FKBP15: variants seen among roughly 807,000 people sequenced by gnomAD.
FKBP15 encodes the protein FKBP prolyl isomerase family member 15.
In FKBP15, 106 loss-of-function variants were observed where a neutral mutation model predicts 158.1. The observed-to-expected ratio is 0.67, with a 90% CI of 0.57 to 0.79. The LOEUF (loss-of-function observed/expected upper bound fraction) is 0.79. Among genes scored for constraint, FKBP15 ranks in the 30% least tolerant of loss-of-function variants. FKBP15 has a pLI of 0.00. For missense variants in FKBP15, 1,287 were observed against 1,479.1 expected (o/e 0.87, Z 2.13); for synonymous variants, 547 against 548.6 (o/e 1.00, Z 0.04).
rs1412940454 is a variant in FKBP15 at position 113,168,495 on chromosome 9, T to A, written c.3547A>T (p.Lys1183Ter). ...TCATCCTCCTCCTCAGGCTGTGCTTTGGGCCTCAGAGCTTTCAGAGTTGCC... is the reference window on the plus strand; with the variant it reads ...TCATCCTCCTCCTCAGGCTGTGCTTAGGGCCTCAGAGCTTTCAGAGTTGCC... ...KGATLKALRP[K>*]AQPEEEDEDE... Residue 1183 changes from lysine to a stop codon, truncating the protein, a stop_gained, in exon 27 of 28, where the codon AAA becomes TAA. Coordinates refer to ENST00000238256, the MANE Select transcript of FKBP15 (RefSeq NM_015258.2). LOFTEE classifies it high-confidence loss of function. 1.9e-6 allele frequency: 3 copies of A among 1,613,878 alleles called. No homozygotes were observed. In the African/African-American group the frequency reaches 4.0e-5, roughly 22 times the overall value.
At chr9:113,172,318 T>C (rs1447564215) in intron 23 of FKBP15, among the ~76,000 whole-genome samples, 1 of 152,204 alleles carries the variant, frequency 6.6e-6, no homozygotes, top group Non-Finnish European at 1.5e-5. Flanking sequence ...TACATGTGCA[T>C]GTGTCTTTAT....
rs111989665 is a variant in FKBP15 at position 113,173,339 on chromosome 9, G to A, written c.2532+114C>T. Reference sequence around the variant, plus strand: ...TGACAAGCTAAACAAGTGTGGTTTTGTCTTCTAGATATTAATAACTTTCAG... The same window carrying A: ...TGACAAGCTAAACAAGTGTGGTTTTATCTTCTAGATATTAATAACTTTCAG... On this transcript the variant is annotated intron_variant, in intron 23 of 27. Coordinates refer to ENST00000238256, the MANE Select transcript of FKBP15 (RefSeq NM_015258.2). The A allele has an allele frequency of 3.3e-3, 3,668 of 1,098,382 alleles. 83 individuals are homozygous for A. In the African/African-American group the frequency reaches 0.049, roughly 15 times the overall value. The allele number at this position is 1,098,382 out of a possible 1,614,324, so 68.0% of individuals were successfully genotyped here.
intron 19 of FKBP15, among the ~76,000 whole-genome samples, chr9:113,182,368 G>A (rs1830414647): frequency 6.6e-6 from 1 of 152,182 alleles, no homozygotes; most frequent in African/African-American, 2.4e-5. Context: ...AAGGATTGAA[G>A]TCAAACAGTA....
At chr9:113,168,334 A>G in intron 27 of FKBP15, 126 bp downstream of exon 27, 2 of 743,428 alleles carry the variant, frequency 2.7e-6, no homozygotes, top group Non-Finnish European at 4.4e-6. Flanking sequence ...GCCTGCTCCC[A>G]CAGGGCCCTG....
intron 2 of FKBP15, among the ~76,000 whole-genome samples, chr9:113,209,765 GTTCTGT>G (rs1403890710): frequency 2.0e-5 from 3 of 152,242 alleles, no homozygotes; most frequent in Non-Finnish European, 4.4e-5. Context: ...ATTGTTTTTT[GTTCTGT>G]TTCTGCTTTC....
At chr9:113,188,749 G>A (rs1278134529) in intron 12 of FKBP15, among the ~76,000 whole-genome samples, 1 of 152,128 alleles carries the variant, frequency 6.6e-6, no homozygotes, top group Non-Finnish European at 1.5e-5. Flanking sequence ...ATTCTCAGAG[G>A]TTGATGTTCT....
intron 11 of FKBP15, among the ~76,000 whole-genome samples, chr9:113,191,552 T>A (rs12344443): frequency 0.21 from 32,149 of 151,044 alleles, 3,900 homozygotes; most frequent in African/African-American, 0.3. Context: ...TATATAGACC[T>A]TATGCACACA....
At position 113,162,641 on chromosome 9, in the gene FKBP15, A is replaced by T. The variant is rs1201400438; in HGVS notation, c.*3437T>A. 3.9e-6 allele frequency: 4 copies of T among 1,029,872 alleles called. No individual in the cohort carries two copies. The allele number at this position is 1,029,872 out of a possible 1,614,324, so 63.8% of individuals were successfully genotyped here. On this transcript the variant is annotated 3_prime_UTR_variant, in exon 28 of 28. Coordinates refer to ENST00000238256, the MANE Select transcript of FKBP15 (RefSeq NM_015258.2). ...CCTGGGTTAAGCATACAAGTTATAAATCAATCGGGTCACGTAACTCAACAG... is the reference window on the plus strand; with the variant it reads ...CCTGGGTTAAGCATACAAGTTATAATTCAATCGGGTCACGTAACTCAACAG...
At chr9:113,199,636 A>C (rs1830748832) in intron 7 of FKBP15, among the ~76,000 whole-genome samples, 178 bp downstream of exon 7, 1 of 152,198 alleles carries the variant, frequency 6.6e-6, no homozygotes, top group South Asian at 2.1e-4. Flanking sequence ...GGCACTGAGG[A>C]TCTTTTACAC....
chr9:113,209,898 C>T (rs1830965672), intron 2 of FKBP15, among the ~76,000 whole-genome samples: 1 of 152,190 alleles, frequency 6.6e-6, no homozygotes, highest in Non-Finnish European at 1.5e-5. Flanking sequence ...CAATTAAGAT[C>T]TTAAAACTCC....
Position 113,162,647 on chromosome 9 carries a change from C to T in FKBP15, c.*3431G>A. The T allele has an allele frequency of 9.4e-7, 1 of 1,058,902 alleles. No individual in the cohort carries two copies. The highest frequency in any genetic ancestry group is 1.4e-6 in the Non-Finnish European group (1 of 726,658). 65.6% of individuals were successfully genotyped at this position (1,058,902 alleles called of 1,614,324 possible). On this transcript the variant is annotated 3_prime_UTR_variant, in exon 28 of 28. Coordinates refer to ENST00000238256, the MANE Select transcript of FKBP15 (RefSeq NM_015258.2). ...TTAAGCATACAAGTTATAAATCAAT[C>T]GGGTCACGTAACTCAACAGCTTTCT... is the stretch of plus-strand genomic sequence containing the variant.
intron 3 of FKBP15, 97 bp from the exon 4 acceptor site, chr9:113,206,675 T>A: frequency 1.6e-6 from 1 of 620,864 alleles, no homozygotes; most frequent in Non-Finnish European, 2.6e-6. Context: ...CAACAGTCAT[T>A]CAGCCTCTAG....
intron 11 of FKBP15, among the ~76,000 whole-genome samples, chr9:113,192,940 C>T (rs565689875): frequency 1.2e-4 from 18 of 152,264 alleles, no homozygotes; most frequent in Non-Finnish European, 2.1e-4. Flanking sequence ...GAGGCTCCTC[C>T]GTCAGTTGAA....
intron 23 of FKBP15, among the ~76,000 whole-genome samples, chr9:113,172,259 T>C (rs1340561569): frequency 6.6e-6 from 1 of 152,318 alleles, no homozygotes; most frequent in East Asian, 1.9e-4. Context: ...TGATGGACAT[T>C]TGGGTTGGTT....
chr9:113,190,511 A>C lies in FKBP15; in HGVS notation c.1133T>G (p.Ile378Ser). The C allele has an allele frequency of 6.2e-7, 1 of 1,612,424 alleles. No individual in the cohort carries two copies. Among genetic ancestry groups the C allele is most frequent in the South Asian group, 1.1e-5 (1 of 90,576 alleles). ...MAKMGQPMLP[I>S]LPPQLDSNDS... ...ATTGGAATCCAGCTGTGGTGGAAGGATGGGCAGCATGGGCTGGCCCATTTT... is the reference window on the plus strand; with the variant it reads ...ATTGGAATCCAGCTGTGGTGGAAGGCTGGGCAGCATGGGCTGGCCCATTTT... Residue 378 changes from isoleucine to serine, a missense_variant, in exon 12 of 28, where the codon ATC becomes AGC. Coordinates refer to ENST00000238256, the MANE Select transcript of FKBP15 (RefSeq NM_015258.2).
Position 113,169,575 on chromosome 9 carries a change from G to A in FKBP15, c.3134C>T (p.Pro1045Leu). The change falls in exon 26 of 28, where the codon CCA (proline) becomes CTA (leucine). Residue 1045 changes from proline to leucine, a missense_variant. Coordinates refer to ENST00000238256, the MANE Select transcript of FKBP15 (RefSeq NM_015258.2). ...GGATACAGGGCCTAGGGGCTCAGGT[G>A]GAATTGAAGTCGGGGGCCCTAGAAC... ...HRVLGPPTSI[P>L]PEPLGPVSMD... The A allele has an allele frequency of 1.2e-6, 2 of 1,614,060 alleles. No homozygotes were observed. Among genetic ancestry groups the A allele is most frequent in the Non-Finnish European group, 1.7e-6 (2 of 1,179,900 alleles).
intron 10 of FKBP15, 63 bp downstream of exon 10, chr9:113,193,964 G>A (rs1346271346): frequency 6.8e-7 from 1 of 1,477,828 alleles, no homozygotes; most frequent in Non-Finnish European, 9.0e-7. Context: ...CTCTATTTCT[G>A]AACCCCTCTA....
Position 113,194,150 on chromosome 9 carries a change from G to C in FKBP15, c.884C>G (p.Ser295Cys), listed in dbSNP as rs1166801883. ...EVRRVKFARD[S>C]GSDGHSVSSR... is the part of the protein sequence containing the mutation. Reference sequence around the variant, plus strand: ...ACTAACACTGTGACCATCAGAGCCAGAATCTCTGGCAAACTTCACCTAAGG... The same window carrying C: ...ACTAACACTGTGACCATCAGAGCCACAATCTCTGGCAAACTTCACCTAAGG... The change falls in exon 10 of 28, where the codon TCT (serine) becomes TGT (cysteine). Residue 295 changes from serine to cysteine, a missense_variant. Physicochemically the swap from Ser to Cys is moderately radical, Grantham distance 112. Transcript: ENST00000238256. 1 of 1,611,002 alleles carries C rather than the reference G, an allele frequency of 6.2e-7. No homozygotes were observed. The highest frequency in any genetic ancestry group is 1.7e-5 in the Admixed American group (1 of 59,672).
intron 1 of FKBP15, among the ~76,000 whole-genome samples, chr9:113,215,384 AAT>A (rs1831100560): frequency 6.6e-6 from 1 of 151,808 alleles, no homozygotes; most frequent in Non-Finnish European, 1.5e-5. Context: ...AAAAAAAAAA[AAT>A]AGAGAACTGC....
Sources: allele counts gnomAD v4.1 joint callset (sites outside exome capture counted in the v4.1 genomes callset), GRCh38; gene constraint gnomAD v4.1.1; transcripts MANE v1.5; gene names NCBI Gene and HGNC (gene_info 2026-07-23, HGNC 2026-07-21).